TUBGCP3: variants seen among roughly 807,000 people sequenced by gnomAD.
TUBGCP3 encodes the protein tubulin gamma complex component 3.
In TUBGCP3, 50 loss-of-function variants were observed where a neutral mutation model predicts 123.1. That is an observed-to-expected ratio of 0.41 (90% confidence interval 0.32 to 0.51). The LOEUF (loss-of-function observed/expected upper bound fraction) is 0.51. Ranked by LOEUF, TUBGCP3 falls within the 20% of genes least tolerant of loss-of-function variation. TUBGCP3 has a pLI of 0.36. For synonymous variants in TUBGCP3, 405 were observed against 413.9 expected (o/e 0.98, Z 0.26); for missense variants, 882 against 1,127.0 (o/e 0.78, Z 3.11).
chr13:112,595,200 C>T, the TUBGCP3 span, among the ~76,000 whole-genome samples: 2 of 145,780 alleles, frequency 1.4e-5, no homozygotes, highest in East Asian at 3.9e-4. Flanking sequence ...TCAATTAATA[C>T]ATTTTTTTTT....
chr13:112,554,231 G>A lies in TUBGCP3; in HGVS notation c.841-49C>T, dbSNP rs1197218674. ...TTAAACATTAAAAAGCAATACTAGA[G>A]CTTTAATTAGTATTTTTCTCAAGCA... On this transcript the variant is annotated intron_variant, in intron 7 of 21. Transcript: ENST00000261965. The A allele has an allele frequency of 8.2e-6, 13 of 1,591,858 alleles. No individual in the cohort carries two copies. The African/African-American group carries it at 1.5e-4, about 18-fold the overall frequency.
intron 11 of TUBGCP3, among the ~76,000 whole-genome samples, chr13:112,537,855 T>C (rs1878193246): frequency 6.6e-6 from 1 of 152,240 alleles, no homozygotes; most frequent in African/African-American, 2.4e-5. Context: ...TCTTTGTGAA[T>C]CAATTTTGGT....
intron 1 of TUBGCP3, among the ~76,000 whole-genome samples, chr13:112,587,589 GAGC>G (rs1882704051): frequency 6.6e-6 from 1 of 152,206 alleles, no homozygotes; most frequent in Non-Finnish European, 1.5e-5. Flanking sequence ...CGAGCGGAGT[GAGC>G]GGTGACTCAG....
At chr13:112,528,156 TA>T (rs1333023688) in intron 11 of TUBGCP3, among the ~76,000 whole-genome samples, 2 of 152,358 alleles carry the variant, frequency 1.3e-5, no homozygotes, top group East Asian at 3.9e-4. Context: ...AACTGAGCAG[TA>T]AGGAGAAAAT....
At chr13:112,577,307 C>T (rs1311466125) in intron 1 of TUBGCP3, among the ~76,000 whole-genome samples, 1 of 152,128 alleles carries the variant, frequency 6.6e-6, no homozygotes, top group African/African-American at 2.4e-5. Context: ...AATGATGAAT[C>T]ACCCTGGTGG....
chr13:112,544,264 T>G (rs188054489), intron 11 of TUBGCP3, among the ~76,000 whole-genome samples: 1 of 151,964 alleles, frequency 6.6e-6, no homozygotes, highest in East Asian at 1.9e-4. Context: ...CCATCCTGGC[T>G]AACACAGTGA....
intron 20 of TUBGCP3, among the ~76,000 whole-genome samples, chr13:112,492,985 GCCTGGTGT>G (rs1236965096): frequency 6.7e-6 from 1 of 150,122 alleles, no homozygotes; most frequent in African/African-American, 2.5e-5. Flanking sequence ...TGGGAACGGG[GCCTGGTGT>G]CCTTGAGACT....
intron 8 of TUBGCP3, among the ~76,000 whole-genome samples, chr13:112,550,952 A>G (rs1313569502): frequency 6.6e-6 from 1 of 152,156 alleles, no homozygotes; most frequent in East Asian, 1.9e-4. Flanking sequence ...CAAAAAAATT[A>G]GCCGGGCGTG....
chr13:112,494,996 A>G (rs956251039), intron 20 of TUBGCP3, among the ~76,000 whole-genome samples: 11 of 152,098 alleles, frequency 7.2e-5, no homozygotes, highest in African/African-American at 2.7e-4. Flanking sequence ...TAGTTTGCAG[A>G]TATTTTCTCC....
intron 11 of TUBGCP3, among the ~76,000 whole-genome samples, chr13:112,534,468 A>C (rs1426326754): frequency 3.3e-5 from 5 of 151,996 alleles, no homozygotes; most frequent in African/African-American, 1.2e-4. Flanking sequence ...AATGGCGTGA[A>C]CCCGGGAGGT....
At chr13:112,601,479 G>A in the TUBGCP3 span, among the ~76,000 whole-genome samples, 2 of 152,186 alleles carry the variant, frequency 1.3e-5, no homozygotes, top group Admixed American at 6.5e-5. Flanking sequence ...ACAGTTCCCC[G>A]CGGCTCTGGC....
At chr13:112,528,919 T>G (rs1449295771) in intron 11 of TUBGCP3, among the ~76,000 whole-genome samples, 1 of 152,156 alleles carries the variant, frequency 6.6e-6, no homozygotes, top group African/African-American at 2.4e-5. Flanking sequence ...TGGCATGATC[T>G]TGGCTCACTG....
intron 2 of TUBGCP3, 105 bp downstream of exon 2, chr13:112,569,047 T>A (rs1466333419): frequency 2.5e-5 from 24 of 966,228 alleles, no homozygotes; most frequent in Non-Finnish European, 3.6e-5. Context: ...AATATTAAAA[T>A]GCGCTTGGGA....
intron 8 of TUBGCP3, among the ~76,000 whole-genome samples, chr13:112,553,504 CCT>C (rs534316935): frequency 2.0e-5 from 3 of 152,370 alleles, no homozygotes; most frequent in South Asian, 2.1e-4. Context: ...TTAGCTGCCC[CCT>C]GTCAGGCTCC....
chr13:112,504,475 G>C, intron 18 of TUBGCP3, 151 bp downstream of exon 18: 5 of 487,932 alleles, frequency 1.0e-5, no homozygotes, highest in Non-Finnish European at 1.6e-5. Flanking sequence ...GCGACAGCAA[G>C]ACTCCATCTC....
chr13:112,600,721 C>T, the TUBGCP3 span, among the ~76,000 whole-genome samples: 2 of 151,354 alleles, frequency 1.3e-5, no homozygotes, highest in South Asian at 4.2e-4. Context: ...ATGCTTTTTG[C>T]CTCTCTCTCC....
At chr13:112,577,723 C>A (rs1881939080) in intron 1 of TUBGCP3, among the ~76,000 whole-genome samples, 1 of 152,150 alleles carries the variant, frequency 6.6e-6, no homozygotes, top group Non-Finnish European at 1.5e-5. Context: ...TGCAATTTTT[C>A]TGTAAGTCTA....
At chr13:112,529,154 A>AT in intron 11 of TUBGCP3, among the ~76,000 whole-genome samples, 1 of 152,184 alleles carries the variant, frequency 6.6e-6, no homozygotes. Context: ...TGCCTGGCCT[A>AT]TTACCTAGAT....
intron 5 of TUBGCP3, among the ~76,000 whole-genome samples, chr13:112,556,997 G>T (rs999304251): frequency 1.3e-5 from 2 of 151,782 alleles, no homozygotes; most frequent in Non-Finnish European, 2.9e-5. Flanking sequence ...GTGCAATACT[G>T]GGGGGGTTTA....
Sources: allele counts gnomAD v4.1 joint callset (sites outside exome capture counted in the v4.1 genomes callset), GRCh38; gene constraint gnomAD v4.1.1; transcripts MANE v1.5; gene names NCBI Gene and HGNC (gene_info 2026-07-23, HGNC 2026-07-21).